GPM6B: variants seen among roughly 807,000 people sequenced by gnomAD.
GPM6B encodes the protein glycoprotein M6B.
A neutral mutation model predicts 27.2 loss-of-function variants in GPM6B; 4 were observed. That is an observed-to-expected ratio of 0.15 (90% CI 0.07 to 0.34). The LOEUF is 0.34. Ranked by LOEUF, GPM6B falls within the 10% of genes least tolerant of loss-of-function variation. The pLI, the probability that GPM6B is intolerant of heterozygous loss-of-function variation, is 1.00. For synonymous variants in GPM6B, 124 were observed against 103.1 expected (o/e 1.20, Z -1.23); for missense variants, 183 against 261.9 (o/e 0.70, Z 2.08).
At chrX:13,818,757 T>C (rs2049275788), upstream of GPM6B, among the ~76,000 whole-genome samples, 1 of 112,530 alleles carries the variant, frequency 8.9e-6, no homozygotes, top group African/African-American at 3.2e-5. Context: ...CTATGGTGTG[T>C]CCGGATAGGA....
chrX:13,781,695 G>A (rs1436134855), intron 4 of GPM6B, among the ~76,000 whole-genome samples: 1 of 111,465 alleles, frequency 9.0e-6, no homozygotes, highest in Non-Finnish European at 1.9e-5. Flanking sequence ...TCCCTGCTTC[G>A]AGTTGTCCCC....
chrX:13,870,197 T>C (rs945441500), intron 1 of GPM6B, among the ~76,000 whole-genome samples: 2 of 112,312 alleles, frequency 1.8e-5, no homozygotes, highest in African/African-American at 6.5e-5. Context: ...CTCATGACAT[T>C]AACCTTGATC....
intron 1 of GPM6B, among the ~76,000 whole-genome samples, chrX:13,909,120 CTT>C (rs368081524): frequency 0.012 from 862 of 69,763 alleles, 9 homozygotes; most frequent in African/African-American, 0.046. Context: ...TGTTCATATC[CTT>C]TTTTTTTTTT....
At chrX:13,902,183 A>G (rs2050288239) in intron 1 of GPM6B, among the ~76,000 whole-genome samples, 1 of 111,927 alleles carries the variant, frequency 8.9e-6, no homozygotes, top group Admixed American at 9.5e-5. Flanking sequence ...AGAAATACAA[A>G]TAAGATCCCA....
At chrX:13,856,056 CT>C (rs1417864113) in intron 1 of GPM6B, among the ~76,000 whole-genome samples, 2 of 112,020 alleles carry the variant, frequency 1.8e-5, no homozygotes, top group Non-Finnish European at 3.8e-5. Context: ...CCAAATTCTT[CT>C]TGCTATTTTA....
chrX:13,871,439 CATTTTTAA>C (rs757516829), intron 1 of GPM6B, among the ~76,000 whole-genome samples: 74 of 112,260 alleles, frequency 6.6e-4, no homozygotes, highest in Non-Finnish European at 1.2e-3. Context: ...GCATCTGACA[CATTTTTAA>C]ACCTTCCCCC....
At chrX:13,912,338 A>G (rs1334127638) in intron 1 of GPM6B, among the ~76,000 whole-genome samples, 1 of 111,734 alleles carries the variant, frequency 8.9e-6, no homozygotes. Context: ...TGCTGAACCA[A>G]TAAAAGATGA....
rs563965963 is a variant in GPM6B at position 13,917,069 on chromosome X, A to C, written c.-198+21258T>G. Among the ~76,000 whole-genome samples, 3 of 110,772 alleles carry C rather than the reference A, an allele frequency of 2.7e-5. No homozygotes were observed. In the South Asian group the frequency reaches 1.2e-3, roughly 43 times the overall value. On this transcript the variant is annotated intron_variant, in intron 1 of 6. Transcript: ENST00000398361. ...TCTACAAAAAACACAAAAATTAGCC[A>C]GATGTGGTGGTGCACAACTGTGGTT...
At chrX:13,821,683 G>A (rs189402633), upstream of GPM6B, among the ~76,000 whole-genome samples, 581 of 110,882 alleles carry the variant, frequency 5.2e-3, 4 homozygotes, top group Non-Finnish European at 8.8e-3. Flanking sequence ...TGCAACCTCC[G>A]CCTCCCGGGT....
chrX:13,786,923 T>A, intron 2 of GPM6B, among the ~76,000 whole-genome samples: 1 of 108,687 alleles, frequency 9.2e-6, no homozygotes. Flanking sequence ...TGTCTCTGTT[T>A]ATATTATCCA....
intron 5 of GPM6B, among the ~76,000 whole-genome samples, chrX:13,779,081 C>T (rs1223804485): frequency 9.0e-6 from 1 of 110,901 alleles, no homozygotes. Flanking sequence ...ACCATGGTGG[C>T]TGGAAGCAGT....
intron 1 of GPM6B, among the ~76,000 whole-genome samples, chrX:13,870,365 T>C (rs1157679476): frequency 4.4e-5 from 5 of 112,430 alleles, no homozygotes; most frequent in African/African-American, 1.6e-4. Flanking sequence ...ATAAAGATCA[T>C]CTGTGAAGCC....
rs139806816 is a variant in GPM6B at position 13,858,790 on chromosome X, C to T, written c.-197-72982G>A. 6.4e-3 allele frequency among the ~76,000 whole-genome samples: 716 copies of T among 111,794 alleles called. 6 individuals carry two copies. The highest frequency in any genetic ancestry group is 0.022 in the African/African-American group (685 of 30,747). ...TCTGACCTGCCCCAATACTCACCTG[C>T]GACACATATCCTCAATTCTCATGGG... On this transcript the variant is annotated intron_variant, in intron 1 of 6. Transcript: ENST00000398361.
intron 1 of GPM6B, among the ~76,000 whole-genome samples, chrX:13,925,046 G>A (rs932290917): frequency 8.9e-6 from 1 of 112,001 alleles, no homozygotes; most frequent in Non-Finnish European, 1.9e-5. Flanking sequence ...TTCCCTCAGT[G>A]ATGATGGATT....
intron 2 of GPM6B, among the ~76,000 whole-genome samples, chrX:13,789,572 G>A (rs759576871): frequency 2.7e-5 from 3 of 111,019 alleles, no homozygotes; most frequent in Non-Finnish European, 3.8e-5. Flanking sequence ...TCAGGAGATC[G>A]AGACCATCCT....
At chrX:13,802,008 C>T (rs2048928886) in intron 2 of GPM6B, among the ~76,000 whole-genome samples, 1 of 110,926 alleles carries the variant, frequency 9.0e-6, no homozygotes, top group Non-Finnish European at 1.9e-5. Context: ...GAGTGAACTT[C>T]GGCACCCAAA....
intron 7 of GPM6B, chrX:13,773,925 C>T (rs1285664516): frequency 3.6e-6 from 2 of 550,175 alleles, no homozygotes; most frequent in Non-Finnish European, 4.2e-6. Flanking sequence ...TGTGTTGTAC[C>T]AAAAAAAAAA....
intron 1 of GPM6B, among the ~76,000 whole-genome samples, chrX:13,842,779 C>A (rs942987858): frequency 9.0e-6 from 1 of 111,265 alleles, no homozygotes; most frequent in Non-Finnish European, 1.9e-5. Flanking sequence ...GCCTTAAGCA[C>A]ACAATGGCAG....
Position 13,830,044 on chromosome X carries a change from C to T in GPM6B, c.-197-44236G>A, listed in dbSNP as rs370728364. ...AATTCTTAATCATTTTATCTTCGAA[C>T]CTGTGTTTTCAAGTGAAGTCCAACG... On this transcript the variant is annotated intron_variant, in intron 1 of 6. Coordinates refer to the GPM6B transcript ENST00000398361. Among the ~76,000 whole-genome samples, 4 of 110,638 alleles carry T rather than the reference C, an allele frequency of 3.6e-5. No homozygotes were observed. In the East Asian group the frequency reaches 8.6e-4, roughly 24 times the overall value.
Sources: gnomAD v4.1 joint callset for allele counts (sites outside exome capture counted in the v4.1 genomes callset) on GRCh38, gnomAD v4.1.1 for gene constraint, MANE v1.5 for transcripts, NCBI Gene and HGNC (gene_info 2026-07-23, HGNC 2026-07-21) for gene names.